The following EBF2 variants were observed in gnomAD, a reference collection of about 807,000 sequenced individuals.
EBF2 encodes the protein transcription factor COE2.
In EBF2, 21 loss-of-function variants were observed where a neutral mutation model predicts 72.8. The observed-to-expected ratio is 0.29, with a 90% confidence interval of 0.20 to 0.42. EBF2 has a LOEUF of 0.42. Ranked by LOEUF, EBF2 falls within the 10% of genes least tolerant of loss-of-function variation. The pLI is 1.00. For synonymous variants in EBF2, 299 were observed against 274.2 expected, an observed-to-expected ratio of 1.09 and a Z score of -0.89; for missense variants, 637 against 731.2, an observed-to-expected ratio of 0.87 and a Z score of 1.49.
At chr8:25,910,036 C>T (rs17808864) in intron 6 of EBF2, among the ~76,000 whole-genome samples, 66,194 of 151,878 alleles carry the variant, frequency 0.44, 16,101 homozygotes, top group East Asian at 0.72. Flanking sequence ...ATGGAAGAGA[C>T]CTGCGGAAGG....
intron 6 of EBF2, among the ~76,000 whole-genome samples, chr8:25,980,434 A>G (rs950819905): frequency 3.9e-5 from 6 of 152,144 alleles, no homozygotes; most frequent in African/African-American, 1.4e-4. Context: ...TAAAGGAAGG[A>G]AGGAAAGAAA....
intron 6 of EBF2, among the ~76,000 whole-genome samples, chr8:25,960,186 T>C (rs1247752862): frequency 1.3e-5 from 2 of 152,198 alleles, no homozygotes; most frequent in African/African-American, 4.8e-5. Context: ...ACTCCACCCT[T>C]GCTCAAAGAT....
rs200857743 is a variant in EBF2, at chr8:25,844,660, C to T, written c.1697-20G>A. On this transcript the variant is annotated intron_variant, in intron 15 of 15. Transcript: ENST00000520164. ...TCATGGCTGCAAGGAAAGAGTGGCA[C>T]AGGAATGAGACTTGGGGACTTTTTA... is the stretch of plus-strand genomic sequence containing the variant. 13 of 1,613,726 alleles carry T rather than the reference C, an allele frequency of 8.1e-6. No homozygotes were observed. In the Admixed American group the frequency reaches 8.3e-5, roughly 10 times the overall value.
intron 6 of EBF2, among the ~76,000 whole-genome samples, chr8:25,932,950 T>C (rs544324828): frequency 1.3e-5 from 2 of 152,166 alleles, no homozygotes; most frequent in Non-Finnish European, 2.9e-5. Flanking sequence ...CTGTATCCAC[T>C]GTTGCAAAAT....
At chr8:26,032,329 A>G (rs1273392238) in intron 6 of EBF2, 2 of 152,358 alleles carry the variant, frequency 1.3e-5, no homozygotes, top group South Asian at 2.1e-4. Flanking sequence ...TCTCCAATCC[A>G]TTTCAGGACC....
chr8:25,913,256 CGTG>C (rs1803157359), intron 6 of EBF2, among the ~76,000 whole-genome samples: 1 of 152,078 alleles, frequency 6.6e-6, no homozygotes, highest in Admixed American at 6.6e-5. Context: ...TCCTGACCAA[CGTG>C]GTGAAGCCCC....
intron 3 of EBF2, 74 bp downstream of exon 3, chr8:26,040,865 A>G: frequency 6.3e-7 from 1 of 1,597,710 alleles, no homozygotes; most frequent in Non-Finnish European, 8.6e-7. Flanking sequence ...GAGAGTGATC[A>G]TGGCAAGGTC....
intron 6 of EBF2, among the ~76,000 whole-genome samples, chr8:25,933,226 G>T (rs1416173485): frequency 6.6e-6 from 1 of 152,190 alleles, no homozygotes; most frequent in Non-Finnish European, 1.5e-5. Flanking sequence ...ATTTTAAAGT[G>T]GACAGGAAGG....
chr8:26,021,821 A>G (rs1805206995), intron 6 of EBF2, among the ~76,000 whole-genome samples: 1 of 152,212 alleles, frequency 6.6e-6, no homozygotes, highest in Non-Finnish European at 1.5e-5. Context: ...TGAATGAATG[A>G]CAGAGGAGTA....
intron 6 of EBF2, among the ~76,000 whole-genome samples, chr8:25,949,848 G>A (rs557405479): frequency 1.3e-5 from 2 of 152,304 alleles, no homozygotes; most frequent in Admixed American, 1.3e-4. Context: ...TCACAGTTTT[G>A]CCTCGAGCTG....
chr8:25,903,614 G>A (rs1210649506), intron 7 of EBF2, among the ~76,000 whole-genome samples: 5 of 152,238 alleles, frequency 3.3e-5, no homozygotes, highest in East Asian at 1.9e-4. Flanking sequence ...GGAGAATGGC[G>A]TGAATCCGGG....
intron 14 of EBF2, among the ~76,000 whole-genome samples, chr8:25,852,093 A>G (rs889153743): frequency 6.6e-6 from 1 of 152,204 alleles, no homozygotes; most frequent in Non-Finnish European, 1.5e-5. Flanking sequence ...ATCTGAGTAC[A>G]TCTGTCTTTC....
At chr8:25,923,226 G>A (rs942194190) in intron 6 of EBF2, among the ~76,000 whole-genome samples, 2 of 152,206 alleles carry the variant, frequency 1.3e-5, no homozygotes, top group Admixed American at 1.3e-4. Context: ...AAGCCCATAG[G>A]CAGGATAACC....
At chr8:25,900,455 T>G (rs1433964590) in intron 7 of EBF2, among the ~76,000 whole-genome samples, 4 of 105,764 alleles carry the variant, frequency 3.8e-5, no homozygotes, top group Non-Finnish European at 6.1e-5. Context: ...TAAGACCCTG[T>G]CTGTAAAAAA....
intron 6 of EBF2, among the ~76,000 whole-genome samples, chr8:26,017,655 A>G (rs1278598573): frequency 6.6e-6 from 1 of 152,224 alleles, no homozygotes; most frequent in Non-Finnish European, 1.5e-5. Flanking sequence ...CTCCTGTGCC[A>G]AAGGATGCTT....
chr8:26,027,872 C>T (rs759337288), intron 6 of EBF2, among the ~76,000 whole-genome samples: 30 of 152,124 alleles, frequency 2.0e-4, no homozygotes, highest in Non-Finnish European at 3.1e-4. Context: ...AAGATAAGCA[C>T]TACCTGGTTC....
intron 6 of EBF2, among the ~76,000 whole-genome samples, chr8:25,971,619 T>C (rs1804191095): frequency 6.6e-6 from 1 of 152,060 alleles, no homozygotes; most frequent in Non-Finnish European, 1.5e-5. Flanking sequence ...TCACTAATAT[T>C]GATAGGTTAA....
intron 6 of EBF2, among the ~76,000 whole-genome samples, chr8:25,980,908 C>A (rs1331865406): frequency 5.2e-3 from 1 of 194 alleles, no homozygotes. Flanking sequence ...GGGGGTGACC[C>A]CCTTCACCCC....
intron 6 of EBF2, among the ~76,000 whole-genome samples, chr8:25,991,527 T>G (rs10090281): frequency 0.78 from 119,306 of 152,094 alleles, 47,594 homozygotes; most frequent in African/African-American, 0.92. Context: ...GAACAAAGAC[T>G]GGAGGGGTCT....
Sources: allele counts gnomAD v4.1 joint callset (sites outside exome capture counted in the v4.1 genomes callset), GRCh38; gene constraint gnomAD v4.1.1; transcripts MANE v1.5; gene names NCBI Gene and HGNC (gene_info 2026-07-23, HGNC 2026-07-21).